The following UNC79 variants were observed in gnomAD, a reference collection of about 807,000 sequenced individuals.
The protein encoded by UNC79 is protein unc-79 homolog.
A neutral mutation model predicts 283.1 loss-of-function variants in UNC79; 37 were observed. The observed-to-expected ratio is 0.13, with a 90% CI of 0.10 to 0.17. The LOEUF (loss-of-function observed/expected upper bound fraction) is 0.17. UNC79 is among the 10% of genes least tolerant of loss of function. The pLI, the probability that UNC79 is intolerant of heterozygous loss-of-function variation, is 1.00. For missense variants in UNC79, 2,272 were observed against 3,211.1 expected (o/e 0.71, Z 7.07); for synonymous variants, 1,107 against 1,200.2 (o/e 0.92, Z 1.61).
rs1056783959 is a variant in UNC79 at position 93,660,573 on chromosome 14, G to A, written c.6525+1312G>A. Among the ~76,000 whole-genome samples, 489 of 116,764 alleles carry A rather than the reference G, an allele frequency of 4.2e-3. 2 individuals carry two copies. The highest frequency in any genetic ancestry group is 0.012 in the South Asian group (42 of 3,542). 76.6% of individuals were successfully genotyped at this position (116,764 alleles called of 152,430 possible). A position where few individuals can be genotyped will look rare whatever the true frequency, so the allele number is the denominator to read the frequency against. On this transcript the variant is annotated intron_variant, in intron 39 of 48. Transcript: ENST00000555664. ...TATATATATATATATATGTGTGTGT[G>A]TGTGTGTTCATTTTATTTTATTTTA...
intron 31 of UNC79, among the ~76,000 whole-genome samples, chr14:93,632,295 C>A (rs1212089390): frequency 1.3e-5 from 2 of 152,216 alleles, no homozygotes; most frequent in East Asian, 1.9e-4. Context: ...TCTAATTATT[C>A]TTCTTTTATT....
intron 40 of UNC79, among the ~76,000 whole-genome samples, chr14:93,662,921 C>A (rs2140465066): frequency 6.6e-6 from 1 of 152,016 alleles, no homozygotes; most frequent in Middle Eastern, 3.4e-3. Flanking sequence ...CATACAATGT[C>A]TAAAATATGC....
At chr14:93,465,476 CA>C (rs1369389418) in intron 1 of UNC79, among the ~76,000 whole-genome samples, 2 of 152,114 alleles carry the variant, frequency 1.3e-5, no homozygotes, top group Non-Finnish European at 2.9e-5. Context: ...AGAGACAATG[CA>C]ATATGACTTT....
intron 1 of UNC79, among the ~76,000 whole-genome samples, chr14:93,448,950 C>T (rs1032419840): frequency 6.6e-6 from 1 of 152,188 alleles, no homozygotes; most frequent in Non-Finnish European, 1.5e-5. Flanking sequence ...GAACTCCCTC[C>T]TTGCTTTGAC....
At chr14:93,338,060 C>T (rs1237160653) in intron 1 of UNC79, among the ~76,000 whole-genome samples, 1 of 152,108 alleles carries the variant, frequency 6.6e-6, no homozygotes, top group Non-Finnish European at 1.5e-5. Context: ...GCGCCTGGCT[C>T]GCCCTTGGCA....
chr14:93,540,536 T>C (rs1567077491), intron 12 of UNC79, 124 bp from the exon 13 acceptor site: 30 of 1,020,852 alleles, frequency 2.9e-5, no homozygotes, highest in Non-Finnish European at 4.1e-5. Flanking sequence ...AGTAACACAG[T>C]ACTCAATTTA....
Position 93,543,547 on chromosome 14 carries a change from G to T in UNC79, c.1755+851G>T, listed in dbSNP as rs550582748. Among the ~76,000 whole-genome samples the T allele has an allele frequency of 5.9e-5, 9 of 151,906 alleles. No homozygotes were observed. The East Asian group carries it at 1.7e-3, about 29-fold the overall frequency. Reference sequence around the variant, plus strand: ...TCCATCTAATTAAAAAAATTTTTTTGGTAGAGATGGGGTCTCTCTATGTTG... The same window carrying T: ...TCCATCTAATTAAAAAAATTTTTTTTGTAGAGATGGGGTCTCTCTATGTTG... On this transcript the variant is annotated intron_variant, in intron 14 of 48. Transcript: ENST00000555664.
At chr14:93,465,502 A>C (rs1021621008) in intron 1 of UNC79, among the ~76,000 whole-genome samples, 1 of 152,228 alleles carries the variant, frequency 6.6e-6, no homozygotes, top group Non-Finnish European at 1.5e-5. Context: ...ACATTACAAG[A>C]TCTCAAAGAA....
intron 1 of UNC79, among the ~76,000 whole-genome samples, chr14:93,355,208 C>A (rs1262728007): frequency 6.7e-6 from 1 of 150,270 alleles, no homozygotes; most frequent in Non-Finnish European, 1.5e-5. Context: ...TTTTTTTTCC[C>A]CCTGAGACAG....
Position 93,508,425 on chromosome 14 carries a change from C to T in UNC79, c.898+11139C>T, listed in dbSNP as rs80345502. Among the ~76,000 whole-genome samples, 256 of 152,252 alleles carry T rather than the reference C, an allele frequency of 1.7e-3. 1 individual carries two copies. The East Asian group carries it at 0.04, about 24-fold the overall frequency. ...AAAAAGAATTTCTGCCAAAATAATC[C>T]TGCTGGGATTTTAATCTGGATTGTG... On this transcript the variant is annotated intron_variant, in intron 7 of 48. Transcript: ENST00000555664.
At chr14:93,530,313 G>A (rs1309947427) in intron 10 of UNC79, among the ~76,000 whole-genome samples, 7 of 152,224 alleles carry the variant, frequency 4.6e-5, no homozygotes, top group African/African-American at 1.4e-4. Context: ...GCTCATGCCT[G>A]TAATTCCAGT....
chr14:93,441,395 C>A lies in UNC79; in HGVS notation c.22+10344C>A, dbSNP rs549981371. Among the ~76,000 whole-genome samples the A allele has an allele frequency of 3.6e-3, 544 of 152,068 alleles. 5 individuals carry two copies. Among genetic ancestry groups the A allele is most frequent in the African/African-American group, 0.013 (522 of 41,524 alleles). The stretch of plus-strand genomic sequence containing the variant: ...TGTTAGCCAATCTGAAAATCCTTTT[C>A]TTTTAATAGGTGAGTTAAGCCCTTT... On this transcript the variant is annotated intron_variant, in intron 1 of 48. Transcript: ENST00000555664.
At chr14:93,334,127 T>C (rs2053522025) in intron 1 of UNC79, among the ~76,000 whole-genome samples, 2 of 152,392 alleles carry the variant, frequency 1.3e-5, no homozygotes, top group African/African-American at 4.8e-5. Flanking sequence ...TGGAATTTTG[T>C]GATGTGTTTT....
chr14:93,384,952 T>C (rs954347283), intron 1 of UNC79, among the ~76,000 whole-genome samples: 1 of 152,218 alleles, frequency 6.6e-6, no homozygotes, highest in African/African-American at 2.4e-5. Context: ...TTTTCCCCAA[T>C]GTATGTTCTT....
intron 26 of UNC79, among the ~76,000 whole-genome samples, chr14:93,607,235 A>G (rs1318388281): frequency 6.6e-6 from 1 of 152,216 alleles, no homozygotes; most frequent in Admixed American, 6.5e-5. Flanking sequence ...ATACTGAACT[A>G]ATGGTATCAA....
intron 33 of UNC79, 105 bp from the exon 37 acceptor site, chr14:93,643,452 G>A: frequency 6.4e-7 from 1 of 1,551,232 alleles, no homozygotes; most frequent in Non-Finnish European, 8.8e-7. Flanking sequence ...TCTCCTTTTG[G>A]AGACTTTTCC....
chr14:93,413,772 A>G (rs1346298905), intron 1 of UNC79, among the ~76,000 whole-genome samples: 49 of 121,158 alleles, frequency 4.0e-4, no homozygotes, highest in African/African-American at 6.9e-4. Flanking sequence ...TTTCTCTGAT[A>G]GCCAGTGATG....
rs1001525961 is a variant in UNC79, at chr14:93,587,004, A to AT, written c.3032+102dup. ...TAAGATTTACTGGCTTGTTTGGGTT[A>AT]TTTTTTGAGCCAGGACAGCTCGATT... On this transcript the variant is annotated intron_variant, in intron 22 of 48. Coordinates refer to ENST00000555664, the Ensembl canonical transcript of UNC79. The AT allele has an allele frequency of 2.4e-5, 36 of 1,497,064 alleles. No homozygotes were observed. In the Admixed American group the frequency reaches 5.4e-4, roughly 23 times the overall value. The allele number at this position is 1,497,064 out of a possible 1,614,324, so 92.7% of individuals were successfully genotyped here. A position where few individuals can be genotyped will look rare whatever the true frequency, so the allele number is the denominator to read the frequency against.
At chr14:93,556,329 A>G (rs2062172013) in intron 14 of UNC79, among the ~76,000 whole-genome samples, 1 of 152,218 alleles carries the variant, frequency 6.6e-6, no homozygotes, top group Non-Finnish European at 1.5e-5. Context: ...ACTGTAAGCA[A>G]CTGCTATTGG....
Sources: allele counts gnomAD v4.1 joint callset (sites outside exome capture counted in the v4.1 genomes callset), GRCh38; gene constraint gnomAD v4.1.1; transcripts MANE v1.5; gene names NCBI Gene and HGNC (gene_info 2026-07-23, HGNC 2026-07-21).